GRIN2D: variants seen among roughly 807,000 people sequenced by gnomAD.
GRIN2D encodes the protein glutamate ionotropic receptor NMDA type subunit 2D.
Under a neutral mutation model 103.2 loss-of-function variants are expected in GRIN2D, and 37 were observed. The observed-to-expected ratio is 0.36, with a 90% CI of 0.28 to 0.47. The LOEUF (loss-of-function observed/expected upper bound fraction) is 0.47, where lower values mean the gene tolerates loss of function less well. Ranked by LOEUF, GRIN2D falls within the 20% of genes least tolerant of loss-of-function variation. The probability of loss-of-function intolerance (pLI) is 1.00; values close to 1 mark genes in which losing one functional copy is unlikely to be tolerated. For missense variants in GRIN2D, 1,557 were observed against 1,910.6 expected (o/e 0.81, Z 3.45); for synonymous variants, 845 against 885.6 (o/e 0.95, Z 0.81).
At chr19:48,397,662 C>T (rs1403340148) in intron 2 of GRIN2D, among the ~76,000 whole-genome samples, 1 of 152,000 alleles carries the variant, frequency 6.6e-6, no homozygotes, top group Admixed American at 6.6e-5. Context: ...TCTCCCTGGG[C>T]CTCCCTCATT....
In GRIN2D at chr19:48,398,874, C is replaced by T. The variant is rs1360850067; in HGVS notation, c.465+17C>T. On this transcript the variant is annotated intron_variant, in intron 3 of 13. Transcript: ENST00000263269. ...ACGCCCAAGGTGCGCGCGACCGGGG[C>T]GGGGCGGGGCCACAGGAGGGGCGGG... is the stretch of plus-strand genomic sequence containing the variant. 5.3e-6 allele frequency: 5 copies of T among 944,054 alleles called. No homozygotes were observed. The highest frequency in any genetic ancestry group is 2.6e-4 in the East Asian group (2 of 7,628). 58.5% of individuals were successfully genotyped at this position (944,054 alleles called of 1,614,324 possible).
At chr19:48,423,168 G>A (rs1971043655) in intron 11 of GRIN2D, among the ~76,000 whole-genome samples, 2 of 152,226 alleles carry the variant, frequency 1.3e-5, no homozygotes, top group South Asian at 4.1e-4. Context: ...CCGAGACTGT[G>A]CCATTGCACT....
rs1475506312 is a variant in GRIN2D at position 48,443,208 on chromosome 19, C to T, written c.3282C>T (p.Pro1094=). ...GCGGAGGAGCCCCGGCCGCTCCGCC[C>T]CCGTGCCGCGCCGCGCCGCCCCCGT... is the stretch of plus-strand genomic sequence containing the variant. ...GAGGGAPAAP[P]PCRAAPPPCP... The change falls in exon 14 of 14, where the codon CCC becomes CCT. Residue 1094 remains proline, a synonymous_variant. Coordinates refer to ENST00000263269, the MANE Select transcript of GRIN2D (RefSeq NM_000836.4). The surrounding 1 kb of genome is among the most constrained non-coding windows in gnomAD (Gnocchi z 8.9). 6 of 1,268,692 alleles carry T rather than the reference C, an allele frequency of 4.7e-6. No individual in the cohort carries two copies. Among genetic ancestry groups the T allele is most frequent in the African/African-American group, 3.2e-5 (2 of 63,258 alleles). 78.6% of individuals were successfully genotyped at this position (1,268,692 alleles called of 1,614,324 possible).
At chr19:48,425,645 T>C (rs1971077398) in intron 11 of GRIN2D, among the ~76,000 whole-genome samples, 2 of 152,154 alleles carry the variant, frequency 1.3e-5, no homozygotes, top group African/African-American at 4.8e-5. Flanking sequence ...TGAACCTAAA[T>C]CTGTCCCCGC....
chr19:48,408,250 CATG>C (rs1970814897), intron 4 of GRIN2D, among the ~76,000 whole-genome samples: 1 of 150,720 alleles, frequency 6.6e-6, no homozygotes, highest in Non-Finnish European at 1.5e-5. Context: ...AGGAGAATGG[CATG>C]AACCCGGGAG....
chr19:48,415,921 G>GCCCGTCTCTGCTCGCCGTCCGTGT, intron 7 of GRIN2D, 81 bp from the exon 8 acceptor site: 9 of 1,293,752 alleles, frequency 7.0e-6, no homozygotes, highest in Non-Finnish European at 7.8e-6. Context: ...TGCTCCCGGG[G>GCCCGTCTCTGCTCGCCGTCCGTGT]CCCGTCTCTG....
intron 3 of GRIN2D, among the ~76,000 whole-genome samples, chr19:48,402,642 G>T (rs576447489): frequency 5.0e-4 from 74 of 149,226 alleles, no homozygotes; most frequent in African/African-American, 1.6e-3. Flanking sequence ...GCGTGAACCC[G>T]GGAAGCGGAG....
chr19:48,402,156 GAA>G (rs368107001), intron 3 of GRIN2D, among the ~76,000 whole-genome samples: 43,095 of 142,130 alleles, frequency 0.3, 6,991 homozygotes, highest in East Asian at 0.48. Flanking sequence ...AAGAAAGAAA[GAA>G]AGAAAGAAAG....
At chr19:48,400,742 A>G (rs1216000758) in intron 3 of GRIN2D, among the ~76,000 whole-genome samples, 1 of 152,182 alleles carries the variant, frequency 6.6e-6, no homozygotes, top group Non-Finnish European at 1.5e-5. Context: ...CCACCTGCTG[A>G]AGGAAGAGGT....
intron 4 of GRIN2D, among the ~76,000 whole-genome samples, chr19:48,412,454 AAAGAAAG>A (rs952199073): frequency 1.3e-4 from 20 of 150,828 alleles, no homozygotes; most frequent in African/African-American, 4.9e-4. Flanking sequence ...AGAAAGAAAG[AAAGAAAG>A]AAAGAAAGAA....
intron 2 of GRIN2D, among the ~76,000 whole-genome samples, chr19:48,397,241 G>T (rs1332375948): frequency 2.0e-5 from 3 of 152,086 alleles, no homozygotes; most frequent in Non-Finnish European, 4.4e-5. Flanking sequence ...TGAGGAGTAA[G>T]GTCATGTGGG....
chr19:48,425,493 C>T lies in GRIN2D; in HGVS notation c.2252+3548C>T, dbSNP rs1971076191. Among the ~76,000 whole-genome samples, 2 of 152,164 alleles carry T rather than the reference C, an allele frequency of 1.3e-5. 1 individual carries two copies. Among genetic ancestry groups the T allele is most frequent in the Admixed American group, 1.3e-4 (2 of 15,258 alleles). On this transcript the variant is annotated intron_variant, in intron 11 of 13. Coordinates refer to ENST00000263269, the MANE Select transcript of GRIN2D (RefSeq NM_000836.4). ...CTAACCTTAAGTGATTCACCTGCTT[C>T]GGCCTCCCAAAGTGCTGGGATTACA...
At position 48,426,224 on chromosome 19, in the gene GRIN2D, C is replaced by CTTTCTT. The variant is rs1555893889; in HGVS notation, c.2252+4282_2252+4283insCTTTTT. Among the ~76,000 whole-genome samples the CTTTCTT allele has an allele frequency of 3.2e-4, 39 of 120,088 alleles. 1 individual carries two copies. Among genetic ancestry groups the CTTTCTT allele is most frequent in the African/African-American group, 1.3e-3 (35 of 27,934 alleles). 78.8% of individuals were successfully genotyped at this position (120,088 alleles called of 152,430 possible). The stretch of plus-strand genomic sequence containing the variant: ...TTTCTTTTTCTTTCTTTCTTTCTTT[C>CTTTCTT]TTTTTTTTTTTTTTTTTCTGAAACA... On this transcript the variant is annotated intron_variant, in intron 11 of 13. Coordinates refer to ENST00000263269, the MANE Select transcript of GRIN2D (RefSeq NM_000836.4).
At chr19:48,438,284 C>T (rs1357352279) in intron 11 of GRIN2D, among the ~76,000 whole-genome samples, 2 of 108,588 alleles carry the variant, frequency 1.8e-5, no homozygotes, top group African/African-American at 3.5e-5. Flanking sequence ...AGCATCCAGC[C>T]GCCTTTTTTT....
Position 48,421,810 on chromosome 19 carries a change from C to A in GRIN2D, c.2117C>A (p.Pro706Gln), listed in dbSNP as rs760867673. ...TTCCAGAGGCCCCAGGAGCAGTACC[C>A]GCCCCTGAAGTTTGGGACCGTGCCC... ...RKFQRPQEQY[P>Q]PLKFGTVPNG... is the part of the protein sequence containing the mutation. Residue 706 changes from proline (P) to glutamine (Q), a missense_variant, in exon 11 of 14, where the codon CCG becomes CAG. This residue lies in a region of GRIN2D where 138 missense variants were observed against 270.2 expected (regional missense o/e 0.51). Coordinates refer to ENST00000263269, the MANE Select transcript of GRIN2D (RefSeq NM_000836.4). This position sits in a 1 kb window ranked among gnomAD's most constrained non-coding sequence, Gnocchi z 4.8. 6.2e-7 allele frequency: 1 copy of A among 1,613,854 alleles called. No homozygotes were observed. Among genetic ancestry groups the A allele is most frequent in the Non-Finnish European group, 8.5e-7 (1 of 1,179,792 alleles).
intron 11 of GRIN2D, among the ~76,000 whole-genome samples, chr19:48,438,699 G>C (rs1020638084): frequency 1.3e-5 from 2 of 152,264 alleles, no homozygotes; most frequent in South Asian, 2.1e-4. Flanking sequence ...CTCCCAAAGC[G>C]CTGGGATTAC....
chr19:48,398,583 C>T lies in GRIN2D; in HGVS notation c.191C>T (p.Ala64Val). The T allele has an allele frequency of 1.7e-6, 2 of 1,196,792 alleles. No homozygotes were observed. The highest frequency in any genetic ancestry group is 8.1e-5 in the South Asian group (2 of 24,798). 74.1% of individuals were successfully genotyped at this position (1,196,792 alleles called of 1,614,324 possible). The change falls in exon 3 of 14, where the codon GCC becomes GTC. Residue 64 changes from alanine to valine, a missense_variant. Ala to Val is a moderately conservative substitution (Grantham distance 64, BLOSUM62 0). This residue lies in a region of GRIN2D where 490 missense variants were observed against 601.1 expected (regional missense o/e 0.82). Coordinates refer to ENST00000263269, the MANE Select transcript of GRIN2D (RefSeq NM_000836.4). The part of the protein sequence containing the change: ...ALVFSGPAYA[A>V]EAARLGPAVA... ...GTGTTCTCGGGGCCCGCGTACGCGG[C>T]CGAGGCGGCACGCCTGGGCCCGGCC...
intron 11 of GRIN2D, among the ~76,000 whole-genome samples, chr19:48,437,212 C>T (rs1039125117): frequency 6.6e-5 from 10 of 152,150 alleles, no homozygotes; most frequent in African/African-American, 2.4e-4. Flanking sequence ...CCTCATCCTC[C>T]TACCCTCAAG....
intron 4 of GRIN2D, among the ~76,000 whole-genome samples, chr19:48,409,115 G>A (rs1221748483): frequency 1.3e-5 from 2 of 151,960 alleles, no homozygotes; most frequent in African/African-American, 2.4e-5. Flanking sequence ...CATGGTAGAA[G>A]GGCAAAGAGA....
Sources: gnomAD v4.1 joint callset for allele counts (sites outside exome capture counted in the v4.1 genomes callset) on GRCh38, gnomAD v4.1.1 for gene constraint, gnomAD v4.1.1 regional missense constraint, Gnocchi (gnomAD v3.1) non-coding constraint, MANE v1.5 for transcripts, NCBI Gene and HGNC (gene_info 2026-07-23, HGNC 2026-07-21) for gene names.